TACC1: variants seen among roughly 807,000 people sequenced by gnomAD.
The protein encoded by TACC1 is transforming acidic coiled-coil containing protein 1, also known as transforming acidic coiled-coil-containing protein 1.
TACC1 carries 48 observed loss-of-function variants against 84.4 expected under a neutral mutation model. That is an observed-to-expected ratio of 0.57 (90% confidence interval 0.45 to 0.72). The LOEUF (loss-of-function observed/expected upper bound fraction) is 0.72, where lower values mean the gene tolerates loss of function less well. TACC1 is among the 30% of genes least tolerant of loss of function. The pLI is 0.00. For synonymous variants in TACC1, 372 were observed against 376.3 expected, an observed-to-expected ratio of 0.99 and a Z score of 0.13; for missense variants, 920 against 973.0, an observed-to-expected ratio of 0.95 and a Z score of 0.72.
rs2152347155 is a variant in TACC1 at position 38,850,010 on chromosome 8, G to A, written c.*1987G>A. 2 of 152,744 alleles carry A rather than the reference G, an allele frequency of 1.3e-5. 1 individual carries two copies. The highest frequency in any genetic ancestry group is 4.1e-4 in the South Asian group (2 of 4,824). 9.5% of individuals were successfully genotyped at this position (152,744 alleles called of 1,614,324 possible). A position where few individuals can be genotyped will look rare whatever the true frequency, so the allele number is the denominator to read the frequency against. On this transcript the variant is annotated 3_prime_UTR_variant, in exon 13 of 13. Coordinates refer to ENST00000317827, the MANE Select transcript of TACC1 (RefSeq NM_006283.3). The stretch of plus-strand genomic sequence containing the variant: ...TGTTTTGGTGTTTTCATGTTTACTT[G>A]TTTTATATTGATCTGTTTTAAGTAT...
Position 38,820,319 on chromosome 8 carries a change from A to G in TACC1, c.1075A>G (p.Ser359Gly). Residue 359 changes from serine (S) to glycine (G), a missense_variant, in exon 3 of 13, where the codon AGT becomes GGT. Around this residue, in one of 2 missense-constraint regions of TACC1, gnomAD observed 762 missense variants for 747.3 expected, o/e 1.02. Transcript: ENST00000317827. Reference protein sequence around the residue: ...LTPKIQKDGISKSAGLEQPTD... With the variant: ...LTPKIQKDGIGKSAGLEQPTD... ...TCCCAAGATACAAAAAGATGGCATC[A>G]GTAAGTCAGCAGGTTTAGAACAGCC... The G allele has an allele frequency of 9.3e-6, 15 of 1,614,226 alleles. No homozygotes were observed. Among genetic ancestry groups the G allele is most frequent in the Non-Finnish European group, 1.3e-5 (15 of 1,180,046 alleles).
At position 38,850,496 on chromosome 8, in the gene TACC1, C is replaced by G. The variant is rs1031451661; in HGVS notation, c.*2473C>G. 3 of 152,004 alleles carry G rather than the reference C, an allele frequency of 2.0e-5. No homozygotes were observed. Among genetic ancestry groups the G allele is most frequent in the African/African-American group, 7.3e-5 (3 of 41,366 alleles). The allele number at this position is 152,004 out of a possible 1,614,324, so 9.4% of individuals were successfully genotyped here. A position where few individuals can be genotyped will look rare whatever the true frequency, so the allele number is the denominator to read the frequency against. ...AGCTAGGCAGTAATAAACTCTGTTA[C>G]AGAAGAGAAAAAGGGCCGGGCACAG... On this transcript the variant is annotated 3_prime_UTR_variant, in exon 13 of 13. Transcript: ENST00000317827.
At chr8:38,776,552 T>C (rs1453921346) in intron 3 of TACC1, among the ~76,000 whole-genome samples, 2 of 152,250 alleles carry the variant, frequency 1.3e-5, no homozygotes, top group African/African-American at 4.8e-5. Flanking sequence ...TTATGTTTCA[T>C]ATACACCTTC....
At chr8:38,816,705 G>T (rs1205861528) in intron 2 of TACC1, among the ~76,000 whole-genome samples, 1 of 152,110 alleles carries the variant, frequency 6.6e-6, no homozygotes, top group Non-Finnish European at 1.5e-5. Context: ...TACCTGCAGG[G>T]GTGCAGAGCT....
chr8:38,791,759 A>G (rs558279017), intron 2 of TACC1, among the ~76,000 whole-genome samples: 3 of 152,338 alleles, frequency 2.0e-5, no homozygotes, highest in Non-Finnish European at 1.5e-5. Context: ...TTCTGGAAGA[A>G]TGATTTACGA....
intron 1 of TACC1, among the ~76,000 whole-genome samples, chr8:38,740,242 G>A (rs1806799980): frequency 6.6e-6 from 1 of 152,196 alleles, no homozygotes; most frequent in Admixed American, 6.5e-5. Flanking sequence ...CCCATTGGCT[G>A]CCTTCAGCCT....
chr8:38,846,004 C>T (rs970270592), intron 11 of TACC1, among the ~76,000 whole-genome samples: 1 of 150,644 alleles, frequency 6.6e-6, no homozygotes, highest in Non-Finnish European at 1.5e-5. Flanking sequence ...TTTAAGAATG[C>T]CTTTCAGGCC....
intron 8 of TACC1, chr8:38,839,534 A>G: frequency 3.0e-6 from 1 of 330,508 alleles, no homozygotes. Context: ...ATGGAAAGGA[A>G]GGGACATTCC....
In TACC1 at chr8:38,827,328, A is replaced by C; in HGVS notation, c.1613A>C (p.Asn538Thr). ...EEDLEYFECS[N>T]VPVSTINHAF... ...GACCTGGAGTACTTTGAATGTTCCA[A>C]TGTTCCTGTGTCTACCATAAATCAT... Residue 538 changes from asparagine (N) to threonine (T), a missense_variant, in exon 5 of 13, where the codon AAT becomes ACT. Around this residue, in one of 2 missense-constraint regions of TACC1, gnomAD observed 762 missense variants for 747.3 expected, o/e 1.02. Transcript: ENST00000317827. 1 of 1,614,198 alleles carries C rather than the reference A, an allele frequency of 6.2e-7. No homozygotes were observed. Among genetic ancestry groups the C allele is most frequent in the Non-Finnish European group, 8.5e-7 (1 of 1,180,024 alleles).
exon 3 of TACC1, chr8:38,745,396 A>T (rs1164297084): frequency 1.6e-6 from 1 of 630,344 alleles, no homozygotes; most frequent in Non-Finnish European, 2.8e-6. Context: ...AACCCAAATT[A>T]TGGGACATAT....
Position 38,791,415 on chromosome 8 carries a change from A to G in TACC1, c.277+2596A>G, listed in dbSNP as rs957934138. On this transcript the variant is annotated intron_variant, in intron 2 of 12. Coordinates refer to ENST00000317827, the MANE Select transcript of TACC1 (RefSeq NM_006283.3). ...GCTTTCAGTTTAGGGTCTTTAAACAATAGGATGATTGCTCATCAACCTGGT... is the reference window on the plus strand; with the variant it reads ...GCTTTCAGTTTAGGGTCTTTAAACAGTAGGATGATTGCTCATCAACCTGGT... Among the ~76,000 whole-genome samples, 19 of 152,248 alleles carry G rather than the reference A, an allele frequency of 1.2e-4. 1 individual carries two copies. The highest frequency in any genetic ancestry group is 2.9e-5 in the Non-Finnish European group (2 of 68,040).
At chr8:38,740,758 G>C (rs1806900778) in intron 1 of TACC1, among the ~76,000 whole-genome samples, 1 of 152,142 alleles carries the variant, frequency 6.6e-6, no homozygotes, top group Non-Finnish European at 1.5e-5. Flanking sequence ...TTCTCATGGT[G>C]CTCCTGGATT....
At position 38,788,780 on chromosome 8, in the gene TACC1, C is replaced by T. The variant is rs1027482703; in HGVS notation, c.238C>T (p.Pro80Ser). ...ATCACCTTTCAAGGAGTCCTGTGATCCATCACTCGGATTGGCAGGACCTGG... is the reference window on the plus strand; with the variant it reads ...ATCACCTTTCAAGGAGTCCTGTGATTCATCACTCGGATTGGCAGGACCTGG... Reference protein sequence around the residue: ...IRSPFKESCDPSLGLAGPGAK... With the variant: ...IRSPFKESCDSSLGLAGPGAK... Residue 80 changes from proline (P) to serine (S), a missense_variant, in exon 2 of 13, where the codon CCA becomes TCA. Coordinates refer to ENST00000317827, the MANE Select transcript of TACC1 (RefSeq NM_006283.3). The T allele has an allele frequency of 6.2e-7, 1 of 1,613,702 alleles. No homozygotes were observed. Among genetic ancestry groups the T allele is most frequent in the Non-Finnish European group, 8.5e-7 (1 of 1,179,776 alleles).
chr8:38,811,883 C>T lies in TACC1; in HGVS notation c.278-7639C>T, dbSNP rs189705135. Among the ~76,000 whole-genome samples the T allele has an allele frequency of 1.8e-3, 270 of 152,262 alleles. 1 individual carries two copies. The highest frequency in any genetic ancestry group is 5.6e-3 in the African/African-American group (234 of 41,534). On this transcript the variant is annotated intron_variant, in intron 2 of 12. Coordinates refer to ENST00000317827, the MANE Select transcript of TACC1 (RefSeq NM_006283.3). ...TTTCTTCTTGCAGAGAGCCTATAAACGGACATGCAAGTAGGAGAGAGATTG... is the reference window on the plus strand; with the variant it reads ...TTTCTTCTTGCAGAGAGCCTATAAATGGACATGCAAGTAGGAGAGAGATTG...
In TACC1 at chr8:38,802,282, G is replaced by A. The variant is rs1461657306; in HGVS notation, c.277+13463G>A. ...TAAAGCAGGGGTCCCCAACCCCTGG[G>A]CCTATTAGGAATGGGCCACACAGCA... is the stretch of plus-strand genomic sequence containing the variant. On this transcript the variant is annotated intron_variant, in intron 2 of 12. Coordinates refer to ENST00000317827, the MANE Select transcript of TACC1 (RefSeq NM_006283.3). 4 of 152,346 alleles carry A rather than the reference G, an allele frequency of 2.6e-5. No homozygotes were observed. The East Asian group carries it at 5.8e-4, about 22-fold the overall frequency. 9.4% of individuals were successfully genotyped at this position (152,346 alleles called of 1,614,324 possible).
intron 6 of TACC1, among the ~76,000 whole-genome samples, chr8:38,833,271 T>C (rs1037562591): frequency 1.3e-5 from 2 of 152,256 alleles, no homozygotes; most frequent in Non-Finnish European, 2.9e-5. Context: ...GAAGGGGCTT[T>C]ACTGCCCCAA....
upstream of TACC1, among the ~76,000 whole-genome samples, chr8:38,786,889 T>G (rs183432908): frequency 6.6e-6 from 1 of 151,370 alleles, no homozygotes; most frequent in Non-Finnish European, 1.5e-5. Flanking sequence ...CGCCGTGAAG[T>G]CACAGTGGCA....
At position 38,827,214 on chromosome 8, in the gene TACC1, A is replaced by G. The variant is rs752386437; in HGVS notation, c.1499A>G (p.Asp500Gly). Reference sequence around the variant, plus strand: ...CAGATTTCAGACATTTCTAATAGGGATGGCCATGCTACTGATGAGGAGAAA... The same window carrying G: ...CAGATTTCAGACATTTCTAATAGGGGTGGCCATGCTACTGATGAGGAGAAA... Reference protein sequence around the residue: ...ISQISDISNRDGHATDEEKLA... With the variant: ...ISQISDISNRGGHATDEEKLA... Residue 500 changes from aspartate (D) to glycine (G), a missense_variant, in exon 5 of 13, where the codon GAT (aspartate) becomes GGT (glycine). Asp to Gly is a moderately conservative substitution (Grantham distance 94). Transcript: ENST00000317827. 1.9e-6 allele frequency: 3 copies of G among 1,614,146 alleles called. No individual in the cohort carries two copies. The highest frequency in any genetic ancestry group is 3.3e-5 in the Admixed American group (2 of 60,012).
Position 38,820,066 on chromosome 8 carries a change from C to G in TACC1, c.822C>G (p.Asn274Lys), listed in dbSNP as rs1473639258. The G allele has an allele frequency of 5.6e-6, 9 of 1,614,018 alleles. No individual in the cohort carries two copies. The change falls in exon 3 of 13, where the codon AAC (asparagine) becomes AAG (lysine). Residue 274 changes from asparagine to lysine, a missense_variant. This residue lies in a region of TACC1 where 762 missense variants were observed against 747.3 expected (regional missense o/e 1.02). Transcript: ENST00000317827. ...TCAGTCCTGAAGAGTTGGATGAGAA[C>G]ACAAGTCCTTTGCTAGGAGATGCCA... is the stretch of plus-strand genomic sequence containing the variant. ...YHFSPEELDE[N>K]TSPLLGDARF...
Sources: gnomAD v4.1 joint callset for allele counts (sites outside exome capture counted in the v4.1 genomes callset) on GRCh38, gnomAD v4.1.1 for gene constraint, gnomAD v4.1.1 regional missense constraint, MANE v1.5 for transcripts, NCBI Gene and HGNC (gene_info 2026-07-23, HGNC 2026-07-21) for gene names.